Variants in MON1A observed in about 807,000 individuals in gnomAD.
The protein encoded by MON1A is MON1 vesicular trafficking associated A, also known as vacuolar fusion protein MON1 homolog A.
Under a neutral mutation model 44.6 loss-of-function variants are expected in MON1A, and 29 were observed. The ratio of observed to expected loss-of-function variants is 0.65; its 90% confidence interval spans 0.48 to 0.89. The LOEUF is 0.89. Among genes scored for constraint, MON1A ranks in the 40% least tolerant of loss-of-function variants. The probability of loss-of-function intolerance (pLI) is 0.00; values close to 1 mark genes in which losing one functional copy is unlikely to be tolerated. For missense variants in MON1A, 615 were observed against 759.6 expected, an observed-to-expected ratio of 0.81 and a Z score of 2.24; for synonymous variants, 275 against 316.4, an observed-to-expected ratio of 0.87 and a Z score of 1.39.
intron 1 of MON1A, chr3:49,924,414 T>C: frequency 1.0e-5 from 2 of 193,726 alleles, no homozygotes; most frequent in South Asian, 1.1e-4. Flanking sequence ...GACAGTGGCT[T>C]ATGCCTGTAA....
rs1315712720 is a variant in MON1A at position 49,909,782 on chromosome 3, G to C, written c.1379+337C>G. On this transcript the variant is annotated intron_variant, in intron 4 of 5. Coordinates refer to ENST00000296473, the MANE Select transcript of MON1A (RefSeq NM_032355.4). The surrounding 1 kb of genome is among the most constrained non-coding windows in gnomAD (Gnocchi z 4.0). ...TTCCCAGCCCCTCTGCTGGGGGAGG[G>C]GGTGGAGGAGGGCTGTGCTTCCTGA... 1 of 342,838 alleles carries C rather than the reference G, an allele frequency of 2.9e-6. No individual in the cohort carries two copies. Among genetic ancestry groups the C allele is most frequent in the African/African-American group, 2.1e-5 (1 of 48,354 alleles). 21.2% of individuals were successfully genotyped at this position (342,838 alleles called of 1,614,324 possible). A position where few individuals can be genotyped will look rare whatever the true frequency, so the allele number is the denominator to read the frequency against.
chr3:49,911,650 C>T lies in MON1A; in HGVS notation c.489G>A (p.Glu163=). The T allele has an allele frequency of 6.2e-7, 1 of 1,614,192 alleles. No individual in the cohort carries two copies. The highest frequency in any genetic ancestry group is 1.3e-5 in the African/African-American group (1 of 75,050). The change falls in exon 3 of 6, where the codon GAG becomes GAA. Residue 163 remains glutamate, a synonymous_variant. Coordinates refer to ENST00000296473, the MANE Select transcript of MON1A (RefSeq NM_032355.4). The surrounding 1 kb of genome is among the most constrained non-coding windows in gnomAD (Gnocchi z 5.7). Reference sequence around the variant, plus strand: ...AGCGGGAGTACACAGGCTTCCCTGCCTCACTCAGCACAAAGACATGCTTCT... The same window carrying T: ...AGCGGGAGTACACAGGCTTCCCTGCTTCACTCAGCACAAAGACATGCTTCT... The part of the protein sequence containing the change: ...LHQKHVFVLS[E]AGKPVYSRYG...
chr3:49,914,190 A>C (rs1479715938), intron 1 of MON1A, among the ~76,000 whole-genome samples: 1 of 150,424 alleles, frequency 6.6e-6, no homozygotes, highest in Non-Finnish European at 1.5e-5. Flanking sequence ...TCCCAGGTTC[A>C]AGAGATTCTC....
Position 49,910,539 on chromosome 3 carries a change from A to C in MON1A, c.959T>G (p.Phe320Cys). ...LQQARARSLV[F>C]SILLARNQLV... is the part of the protein sequence containing the mutation. ...CTGGTTGCGGGCCAGCAGGATGGAG[A>C]AGACCAGGCTGCGCGCACGCGCCTG... Residue 320 changes from phenylalanine to cysteine, a missense_variant, in exon 4 of 6, where the codon TTC (phenylalanine) becomes TGC (cysteine). Transcript: ENST00000296473. The surrounding 1 kb of genome is among the most constrained non-coding windows in gnomAD (Gnocchi z 8.0). 1.9e-6 allele frequency: 3 copies of C among 1,613,590 alleles called. No homozygotes were observed. The highest frequency in any genetic ancestry group is 2.5e-6 in the Non-Finnish European group (3 of 1,179,768).
chr3:49,927,237 G>A (rs1355407873), intron 1 of MON1A, among the ~76,000 whole-genome samples: 4 of 152,212 alleles, frequency 2.6e-5, no homozygotes, highest in Non-Finnish European at 2.9e-5. Context: ...CAGGTGTTCA[G>A]GAACAATGGC....
intron 1 of MON1A, among the ~76,000 whole-genome samples, chr3:49,919,671 G>T (rs2082979362): frequency 6.6e-6 from 1 of 152,068 alleles, no homozygotes; most frequent in Non-Finnish European, 1.5e-5. Context: ...GTAGAGACGG[G>T]GTTTCACTAT....
chr3:49,915,590 T>C (rs1365850354), intron 1 of MON1A, among the ~76,000 whole-genome samples: 1 of 152,236 alleles, frequency 6.6e-6, no homozygotes, highest in Non-Finnish European at 1.5e-5. Context: ...ATAGTTCTTT[T>C]TGGATATCTA....
At chr3:49,923,134 G>A (rs962864270) in intron 1 of MON1A, among the ~76,000 whole-genome samples, 12 of 151,860 alleles carry the variant, frequency 7.9e-5, no homozygotes, top group African/African-American at 2.4e-4. Context: ...GAGGTCAGGC[G>A]ATCGAGACCA....
chr3:49,917,782 C>T (rs1380799173), intron 1 of MON1A, among the ~76,000 whole-genome samples: 4 of 151,768 alleles, frequency 2.6e-5, no homozygotes, highest in Non-Finnish European at 4.4e-5. Context: ...TGTGGTGGCT[C>T]ACGCCTGTAA....
Position 49,911,890 on chromosome 3 carries a change from C to T in MON1A, c.249G>A (p.Leu83=). ...GGCTGATCTGGCGCATGTCTGTAGG[C>T]AGCGGCGGGGGACCCCTGGTACCCT... ...HKEGTRGPPP[L]PTDMRQISQD... is the part of the protein sequence containing the mutation. The change falls in exon 3 of 6, where the codon CTG becomes CTA. Residue 83 remains leucine, a synonymous_variant. Transcript: ENST00000296473. The surrounding 1 kb of genome is among the most constrained non-coding windows in gnomAD (Gnocchi z 5.7). 1 of 1,614,126 alleles carries T rather than the reference C, an allele frequency of 6.2e-7. No homozygotes were observed. The highest frequency in any genetic ancestry group is 8.5e-7 in the Non-Finnish European group (1 of 1,180,016).
At chr3:49,919,852 C>T (rs1423874075) in intron 1 of MON1A, among the ~76,000 whole-genome samples, 2 of 152,118 alleles carry the variant, frequency 1.3e-5, no homozygotes, top group Admixed American at 1.3e-4. Context: ...AGCTCCCTTC[C>T]AAGCAGTGAT....
Position 49,918,337 on chromosome 3 carries a change from C to CA in MON1A, c.-13-4979dup, listed in dbSNP as rs199995947. Among the ~76,000 whole-genome samples, 234 of 145,228 alleles carry CA rather than the reference C, an allele frequency of 1.6e-3. 5 individuals are homozygous for CA. The East Asian group carries it at 0.03, about 19-fold the overall frequency. ...GGGCAACAAGAGCGAAACTCTGTCT[C>CA]AAAAAAAAAGAACAAAAAAAAAGAA... On this transcript the variant is annotated intron_variant, in intron 1 of 5. Transcript: ENST00000296473.
At chr3:49,912,953 C>T (rs1559492813) in intron 2 of MON1A, 5 of 572,666 alleles carry the variant, frequency 8.7e-6, no homozygotes, top group East Asian at 3.4e-5. Context: ...GAGAAGGAGC[C>T]GGGGAGGTGC....
intron 1 of MON1A, among the ~76,000 whole-genome samples, chr3:49,925,689 T>C (rs1004962651): frequency 6.6e-6 from 1 of 152,070 alleles, no homozygotes; most frequent in Non-Finnish European, 1.5e-5. Flanking sequence ...CAGTGAGCCG[T>C]GATTGTGCCA....
Position 49,909,107 on chromosome 3 carries a change from G to C in MON1A, c.1575C>G (p.Thr525=). ...ELYMCYSPLG[T]KASAVSAIHK... is the part of the protein sequence containing the mutation. ...GGATGGCACTGACGGCTGACGCCTT[G>C]GTCCCCAGGGGGCTGTAACACATGT... The change falls in exon 6 of 6, where the codon ACC becomes ACG. Residue 525 remains threonine (T), a synonymous_variant. Coordinates refer to ENST00000296473, the MANE Select transcript of MON1A (RefSeq NM_032355.4). This position sits in a 1 kb window ranked among gnomAD's most constrained non-coding sequence, Gnocchi z 4.0. 6.2e-7 allele frequency: 1 copy of C among 1,613,472 alleles called. No individual in the cohort carries two copies. The highest frequency in any genetic ancestry group is 8.5e-7 in the Non-Finnish European group (1 of 1,179,596).
intron 1 of MON1A, among the ~76,000 whole-genome samples, chr3:49,923,567 C>T (rs1232851638): frequency 6.7e-6 from 1 of 150,230 alleles, no homozygotes; most frequent in African/African-American, 2.4e-5. Context: ...GATTCTCATG[C>T]CTCAGCCTCC....
intron 2 of MON1A, chr3:49,912,823 A>G: frequency 2.9e-6 from 1 of 343,622 alleles, no homozygotes; most frequent in Non-Finnish European, 5.7e-6. Flanking sequence ...TCTGCGCTCA[A>G]AGTGTTCACA....
chr3:49,929,796 G>A lies in MON1A; in HGVS notation c.-201C>T. 1.3e-6 allele frequency: 2 copies of A among 1,547,722 alleles called. No individual in the cohort carries two copies. The highest frequency in any genetic ancestry group is 2.0e-5 in the Admixed American group (1 of 50,980). ...TCCCTCCCACCGCCCTCACCCGGCCGCCGGTGCAGGAAGATAGCTTTCGCC... is the reference window on the plus strand; with the variant it reads ...TCCCTCCCACCGCCCTCACCCGGCCACCGGTGCAGGAAGATAGCTTTCGCC... On this transcript the variant is annotated 5_prime_UTR_variant, in exon 1 of 6. Transcript: ENST00000296473.
Position 49,929,744 on chromosome 3 carries a change from C to T in MON1A, c.-149G>A, listed in dbSNP as rs928680314. 4 of 1,549,774 alleles carry T rather than the reference C, an allele frequency of 2.6e-6. No homozygotes were observed. The African/African-American group carries it at 5.5e-5, about 21-fold the overall frequency. ...GCGGGGCCCCGGCCCCCTGCGTACACAGACATGGCCACAGCGCAGGCACCG... is the reference window on the plus strand; with the variant it reads ...GCGGGGCCCCGGCCCCCTGCGTACATAGACATGGCCACAGCGCAGGCACCG... On this transcript the variant is annotated 5_prime_UTR_variant, in exon 1 of 6. It adds an upstream start codon to the 5' untranslated region. Transcript: ENST00000296473.
Sources: allele counts gnomAD v4.1 joint callset (sites outside exome capture counted in the v4.1 genomes callset), GRCh38; gene constraint gnomAD v4.1.1; non-coding constraint Gnocchi (gnomAD v3.1); transcripts MANE v1.5; gene names NCBI Gene and HGNC (gene_info 2026-07-23, HGNC 2026-07-21).